The following ATAD2B variants were observed in gnomAD, a reference collection of about 807,000 sequenced individuals.
ATAD2B encodes ATPase family AAA domain-containing protein 2B.
In ATAD2B, 40 loss-of-function variants were observed where a neutral mutation model predicts 167.6. That is an observed-to-expected ratio of 0.24 (90% confidence interval 0.19 to 0.31). The LOEUF (loss-of-function observed/expected upper bound fraction) is 0.31. ATAD2B is among the 10% of genes least tolerant of loss of function. The pLI is 1.00. For missense variants in ATAD2B, 1,242 were observed against 1,757.2 expected, an observed-to-expected ratio of 0.71 and a Z score of 5.24; for synonymous variants, 579 against 596.5, an observed-to-expected ratio of 0.97 and a Z score of 0.43.
At chr2:23,906,596 T>G (rs1701531580) in intron 1 of ATAD2B, among the ~76,000 whole-genome samples, 1 of 152,156 alleles carries the variant, frequency 6.6e-6, no homozygotes, top group Non-Finnish European at 1.5e-5. Flanking sequence ...ATATTGACTG[T>G]GGGGTGTTAA....
intron 2 of ATAD2B, among the ~76,000 whole-genome samples, chr2:23,895,365 C>T (rs1392171361): frequency 6.6e-6 from 1 of 151,954 alleles, no homozygotes; most frequent in Non-Finnish European, 1.5e-5. Flanking sequence ...TTGATACATA[C>T]TGAACCAGAC....
chr2:23,802,068 G>A lies in ATAD2B; in HGVS notation c.2455-3745C>T, dbSNP rs367821006. Reference sequence around the variant, plus strand: ...GTATCACTTTTACCTGCCTAAAGAGGGCAATATAGAAAAGAGGGAAACAAA... The same window carrying A: ...GTATCACTTTTACCTGCCTAAAGAGAGCAATATAGAAAAGAGGGAAACAAA... On this transcript the variant is annotated intron_variant, in intron 18 of 27. Transcript: ENST00000238789. 5.6e-4 allele frequency among the ~76,000 whole-genome samples: 85 copies of A among 151,800 alleles called. No homozygotes were observed. The East Asian group carries it at 0.011, about 19-fold the overall frequency.
chr2:23,810,584 T>A, intron 17 of ATAD2B, 82 bp from the exon 18 acceptor site: 1 of 1,083,282 alleles, frequency 9.2e-7, no homozygotes, highest in Non-Finnish European at 1.3e-6. Context: ...ATTTTTACAT[T>A]AAAACAATTT....
chr2:23,881,320 G>GTAT (rs1015275163), intron 6 of ATAD2B, among the ~76,000 whole-genome samples: 2 of 150,294 alleles, frequency 1.3e-5, no homozygotes, highest in Non-Finnish European at 3.0e-5. Context: ...GACTTCTAGG[G>GTAT]TATTGGTAAT....
intron 7 of ATAD2B, among the ~76,000 whole-genome samples, chr2:23,879,243 C>T (rs566668554): frequency 2.0e-5 from 3 of 151,868 alleles, no homozygotes; most frequent in African/African-American, 7.2e-5. Context: ...ATCATAATGT[C>T]ACATAACAAA....
At chr2:23,843,201 A>T (rs138171990) in intron 13 of ATAD2B, among the ~76,000 whole-genome samples, 1 of 152,244 alleles carries the variant, frequency 6.6e-6, no homozygotes, top group East Asian at 1.9e-4. Context: ...TGAAAAATAC[A>T]ATTTCTGAAA....
chr2:23,798,449 A>G, intron 18 of ATAD2B, 126 bp from the exon 19 acceptor site: 1 of 692,974 alleles, frequency 1.4e-6, no homozygotes, highest in Non-Finnish European at 2.3e-6. Context: ...TCAAAATTTA[A>G]GTTCAAGATA....
chr2:23,785,910 A>T, intron 21 of ATAD2B, 117 bp downstream of exon 21: 1 of 859,792 alleles, frequency 1.2e-6, no homozygotes, highest in Non-Finnish European at 1.7e-6. Flanking sequence ...AAAATTTTAT[A>T]GGCTAGGGGT....
chr2:23,867,793 T>C (rs780423065), intron 10 of ATAD2B, 42 bp downstream of exon 10: 1 of 1,445,916 alleles, frequency 6.9e-7, no homozygotes, highest in African/African-American at 1.4e-5. Context: ...AAAAAACTTT[T>C]AAAAAAAAGA....
chr2:23,862,059 G>C (rs1249690176), intron 12 of ATAD2B, among the ~76,000 whole-genome samples: 9 of 152,182 alleles, frequency 5.9e-5, no homozygotes, highest in Non-Finnish European at 1.2e-4. Flanking sequence ...AATTAGGCAA[G>C]TGTGGTAGTG....
At chr2:23,680,124 C>A in the ATAD2B span, among the ~76,000 whole-genome samples, 1 of 152,158 alleles carries the variant, frequency 6.6e-6, no homozygotes. The surrounding 1 kb of genome is among the most constrained non-coding windows in gnomAD (Gnocchi z 4.1). Flanking sequence ...GGGAGACATC[C>A]TCAGAGGCTG....
intron 13 of ATAD2B, among the ~76,000 whole-genome samples, chr2:23,838,390 T>A (rs981325856): frequency 6.6e-6 from 1 of 152,082 alleles, no homozygotes; most frequent in Non-Finnish European, 1.5e-5. Flanking sequence ...GACGATAAAG[T>A]CTCAGACATG....
intron 1 of ATAD2B, among the ~76,000 whole-genome samples, chr2:23,917,786 C>T (rs768792988): frequency 4.2e-4 from 63 of 151,744 alleles, no homozygotes; most frequent in Admixed American, 7.9e-4. Context: ...TAGCCAGGCG[C>T]GGTGGCTCAC....
intron 17 of ATAD2B, among the ~76,000 whole-genome samples, chr2:23,813,345 AATT>A (rs1250773737): frequency 2.0e-5 from 3 of 148,038 alleles, no homozygotes; most frequent in Non-Finnish European, 4.5e-5. Flanking sequence ...AAATAATATG[AATT>A]ATAATATATA....
Position 23,762,344 on chromosome 2 carries a change from A to G in ATAD2B, c.3259T>C (p.Leu1087=). The G allele has an allele frequency of 1.2e-6, 2 of 1,611,560 alleles. No individual in the cohort carries two copies. The highest frequency in any genetic ancestry group is 1.7e-6 in the Non-Finnish European group (2 of 1,178,948). ...TTTATTTGTTCTGATGTTACTGATA[A>G]GCCTGCAAGCAGAAGATAAGCAATA... ...EIKEARIKRG[L]SVTSEQINPH... The change falls in exon 24 of 28, where the codon TTA becomes CTA. Residue 1087 remains leucine, a splice_region_variant and synonymous_variant. Transcript: ENST00000238789.
intron 13 of ATAD2B, among the ~76,000 whole-genome samples, chr2:23,847,566 C>T (rs1248691590): frequency 1.3e-5 from 2 of 151,760 alleles, no homozygotes; most frequent in African/African-American, 4.8e-5. Flanking sequence ...ATTTGGGAGG[C>T]TAAGGTGGGA....
At chr2:23,747,482 G>C (rs1007909944), downstream of ATAD2B, among the ~76,000 whole-genome samples, 1 of 152,048 alleles carries the variant, frequency 6.6e-6, no homozygotes, top group Non-Finnish European at 1.5e-5. Flanking sequence ...AGTGGGGATC[G>C]ACTCTAGAAA....
chr2:23,889,231 G>T (rs150680441), intron 2 of ATAD2B, among the ~76,000 whole-genome samples: 3 of 151,954 alleles, frequency 2.0e-5, no homozygotes, highest in African/African-American at 7.3e-5. Flanking sequence ...ACAGTGGCGC[G>T]ATCTCGGCTT....
intron 14 of ATAD2B, among the ~76,000 whole-genome samples, chr2:23,832,870 C>G (rs1272598050): frequency 6.6e-6 from 1 of 152,118 alleles, no homozygotes; most frequent in Non-Finnish European, 1.5e-5. Context: ...TTAGATGTCC[C>G]AAACAAAAAA....
Sources: allele counts gnomAD v4.1 joint callset (sites outside exome capture counted in the v4.1 genomes callset), GRCh38; gene constraint gnomAD v4.1.1; non-coding constraint Gnocchi (gnomAD v3.1); transcripts MANE v1.5; gene names NCBI Gene and HGNC (gene_info 2026-07-23, HGNC 2026-07-21).